The following NBPF26 variants were observed in gnomAD, a reference collection of about 807,000 sequenced individuals.
NBPF26 encodes the protein NBPF family member NBPF26.
In NBPF26, 79 loss-of-function variants were observed where a neutral mutation model predicts 119.6. That is an observed-to-expected ratio of 0.66 (90% CI 0.55 to 0.80). NBPF26 has a LOEUF of 0.80. Among genes scored for constraint, NBPF26 ranks in the 30% least tolerant of loss-of-function variants. The pLI is 0.00. For missense variants in NBPF26, 800 were observed against 1,198.2 expected (o/e 0.67, Z 4.91); for synonymous variants, 299 against 457.7 (o/e 0.65, Z 4.43).
intron 1 of NBPF26, among the ~76,000 whole-genome samples, chr1:120,752,587 T>TTTTTTTTTTTTTTC (rs1651036534): frequency 2.5e-5 from 1 of 40,258 alleles, no homozygotes; most frequent in Non-Finnish European, 3.9e-5. Flanking sequence ...TTTTTTTTTT[T>TTTTTTTTTTTTTTC]TCAGGCAGAG....
At position 120,785,239 on chromosome 1, in the gene NBPF26, T is replaced by C. The variant is rs1651412728; in HGVS notation, c.415+6T>C. On this transcript the variant is annotated splice_donor_region_variant and intron_variant, in intron 3 of 29. Coordinates refer to ENST00000620612, the Ensembl canonical transcript of NBPF26. ...CTGTCAAGTCGGGTTTACAGGTAAC[T>C]AATGAGACCAAAGCCAGTGCTTCCC... The C allele has an allele frequency of 1.4e-6, 2 of 1,444,348 alleles. 1 individual carries two copies. The allele number at this position is 1,444,348 out of a possible 1,614,324, so 89.5% of individuals were successfully genotyped here.
intron 10 of NBPF26, among the ~76,000 whole-genome samples, chr1:120,812,943 A>C (rs1288111880): frequency 2.6e-5 from 3 of 116,616 alleles, no homozygotes; most frequent in Admixed American, 1.6e-4. Flanking sequence ...TAATAATAAT[A>C]ATAATAATAA....
At chr1:120,760,274 G>GC (rs1196572157) in intron 1 of NBPF26, among the ~76,000 whole-genome samples, 3 of 71,762 alleles carry the variant, frequency 4.2e-5, no homozygotes, top group Admixed American at 1.5e-4. Context: ...TGCAACCTCC[G>GC]CCCCCCAGGT....
rs1266214140 is a variant in NBPF26, at chr1:120,810,179, C to T, written c.1353-168C>T. Among the ~76,000 whole-genome samples the T allele has an allele frequency of 3.6e-5, 3 of 82,894 alleles. 1 individual carries two copies. The highest frequency in any genetic ancestry group is 4.5e-5 in the Non-Finnish European group (2 of 44,510). 54.4% of individuals were successfully genotyped at this position (82,894 alleles called of 152,430 possible). A position where few individuals can be genotyped will look rare whatever the true frequency, so the allele number is the denominator to read the frequency against. On this transcript the variant is annotated intron_variant, in intron 8 of 29. Transcript: ENST00000620612. ...CTCTCTGGCTCCCATGGCAGCCATG[C>T]TCTGTTGCAGAGAGAAGCGGATTGC... is the stretch of plus-strand genomic sequence containing the variant.
At chr1:120,793,783 A>C in intron 4 of NBPF26, 1 of 1,028,078 alleles carries the variant, frequency 9.7e-7, no homozygotes, top group Non-Finnish European at 1.4e-6. Flanking sequence ...GCTCTGGGAA[A>C]GAGACAGGCA....
rs1253356285 is a variant in NBPF26, at chr1:120,815,475, A to C, written c.2092+432A>C. Among the ~76,000 whole-genome samples, 21 of 101,232 alleles carry C rather than the reference A, an allele frequency of 2.1e-4. 2 individuals carry two copies. Among genetic ancestry groups the C allele is most frequent in the Admixed American group, 2.8e-4 (3 of 10,718 alleles). 66.4% of individuals were successfully genotyped at this position (101,232 alleles called of 152,430 possible). ...CCGTGGCAGACAAATTGTCTCTTGC[A>C]AGTGTCTGAAGCATTCAAATGTGGG... On this transcript the variant is annotated intron_variant, in intron 12 of 29. Transcript: ENST00000620612.
chr1:120,840,805 T>A, downstream of NBPF26: 1 of 587,580 alleles, frequency 1.7e-6, no homozygotes, highest in Admixed American at 3.4e-5. Flanking sequence ...TTCACATAAC[T>A]GTGCAGCACA....
At chr1:120,810,282 A>G in intron 8 of NBPF26, 65 bp from the exon 9 acceptor site, 2 of 1,464,444 alleles carry the variant, frequency 1.4e-6, no homozygotes, top group Non-Finnish European at 1.9e-6. Context: ...ACCAGCTAGG[A>G]CTCCATGGGG....
exon 10 of NBPF26, chr1:120,811,972 C>A: frequency 8.1e-7 from 1 of 1,236,228 alleles, no homozygotes; most frequent in Non-Finnish European, 1.1e-6. Context: ...GATAAACATT[C>A]TAGAAATCAA....
At chr1:120,792,436 C>G (rs1651501980) in intron 3 of NBPF26, among the ~76,000 whole-genome samples, 2 of 90,734 alleles carry the variant, frequency 2.2e-5, no homozygotes, top group African/African-American at 1.4e-4. Flanking sequence ...GATGACTTTA[C>G]AGAGGTTGGA....
intron 22 of NBPF26, among the ~76,000 whole-genome samples, 191 bp downstream of exon 26, chr1:120,832,351 A>G (rs1652356656): frequency 3.0e-5 from 3 of 99,280 alleles, no homozygotes; most frequent in Non-Finnish European, 5.4e-5. Context: ...AGTGAGCAAG[A>G]CTCTCTTCCT....
chr1:120,806,020 G>A (rs1651673874), intron 5 of NBPF26, among the ~76,000 whole-genome samples: 1 of 108,746 alleles, frequency 9.2e-6, no homozygotes, highest in Non-Finnish European at 1.8e-5. Flanking sequence ...CACAGGCACA[G>A]AATGACCTGT....
chr1:120,832,607 A>T (rs1433086283), intron 22 of NBPF26, among the ~76,000 whole-genome samples: 1 of 121,146 alleles, frequency 8.3e-6, no homozygotes, highest in Admixed American at 7.8e-5. Flanking sequence ...GATTGTAAAA[A>T]TATGGCATAA....
In NBPF26 at chr1:120,801,711, T is replaced by C. The variant is rs1471263570; in HGVS notation, c.752-3845T>C. 4.8e-5 allele frequency among the ~76,000 whole-genome samples: 5 copies of C among 103,148 alleles called. 1 individual carries two copies. 67.7% of individuals were successfully genotyped at this position (103,148 alleles called of 152,430 possible). Reference sequence around the variant, plus strand: ...AGAAATGGTGATGTGTGCCTAGAGTTCCAACTACTTGGAAAGCTGAGGCAG... The same window carrying C: ...AGAAATGGTGATGTGTGCCTAGAGTCCCAACTACTTGGAAAGCTGAGGCAG... On this transcript the variant is annotated intron_variant, in intron 4 of 29. Coordinates refer to ENST00000620612, the Ensembl canonical transcript of NBPF26.
At chr1:120,737,391 A>G (rs2101358812) in intron 1 of NBPF26, among the ~76,000 whole-genome samples, 1 of 12,056 alleles carries the variant, frequency 8.3e-5, no homozygotes, top group South Asian at 2.0e-3. Context: ...CTTGTTTTAA[A>G]GAGAGAAAAC....
At chr1:120,737,745 G>T (rs1650921188) in intron 1 of NBPF26, among the ~76,000 whole-genome samples, 1 of 125,290 alleles carries the variant, frequency 8.0e-6, no homozygotes, top group Non-Finnish European at 1.6e-5. Context: ...ATTCAGAATT[G>T]GATTAGCCTG....
intron 3 of NBPF26, among the ~76,000 whole-genome samples, chr1:120,790,552 CTT>C (rs1651477647): frequency 1.0e-5 from 1 of 97,758 alleles, no homozygotes; most frequent in South Asian, 3.0e-4. Flanking sequence ...TTCTTTCTTT[CTT>C]TCTTTCTTTC....
At chr1:120,815,503 C>T (rs1651989010) in intron 12 of NBPF26, among the ~76,000 whole-genome samples, 1 of 100,194 alleles carries the variant, frequency 1.0e-5, no homozygotes. Flanking sequence ...AATGTGGGAA[C>T]ACTTACAACT....
chr1:120,760,451 G>A (rs1651124566), intron 1 of NBPF26, among the ~76,000 whole-genome samples: 1 of 126,256 alleles, frequency 7.9e-6, no homozygotes, highest in Non-Finnish European at 1.6e-5. Context: ...GGGATTATAG[G>A]CGTGAGCCAC....
Sources: gnomAD v4.1 joint callset for allele counts (sites outside exome capture counted in the v4.1 genomes callset) on GRCh38, gnomAD v4.1.1 for gene constraint, MANE v1.5 for transcripts, NCBI Gene and HGNC (gene_info 2026-07-23, HGNC 2026-07-21) for gene names.